Variants in EIF2B3 observed in about 807,000 individuals in gnomAD.
The protein encoded by EIF2B3 is translation initiation factor eIF2B subunit gamma.
Under a neutral mutation model 54.1 loss-of-function variants are expected in EIF2B3, and 20 were observed. The ratio of observed to expected loss-of-function variants is 0.37; its 90% CI spans 0.26 to 0.54. The LOEUF is 0.54. Ranked by LOEUF, EIF2B3 falls within the 20% of genes least tolerant of loss-of-function variation. The pLI, the probability that EIF2B3 is intolerant of heterozygous loss-of-function variation, is 0.86. For missense variants in EIF2B3, 448 were observed against 547.8 expected (o/e 0.82, Z 1.82); for synonymous variants, 153 against 188.1 (o/e 0.81, Z 1.52).
intron 10 of EIF2B3, among the ~76,000 whole-genome samples, chr1:44,869,722 TC>T (rs1281562903): frequency 6.8e-6 from 1 of 146,558 alleles, no homozygotes; most frequent in Non-Finnish European, 1.5e-5. Context: ...TGCCTCAGCC[TC>T]CTGAATATCT....
At chr1:44,947,156 G>T (rs1267264510) in intron 3 of EIF2B3, among the ~76,000 whole-genome samples, 2 of 152,148 alleles carry the variant, frequency 1.3e-5, no homozygotes, top group Admixed American at 6.5e-5. Flanking sequence ...CTCATCCCAA[G>T]CCTGCTCCTC....
Position 44,941,615 on chromosome 1 carries a change from A to C in EIF2B3, c.345T>G (p.His115Gln). Residue 115 changes from histidine to glutamine, a missense_variant, in exon 4 of 12, where the codon CAT becomes CAG. Coordinates refer to ENST00000360403, the MANE Select transcript of EIF2B3 (RefSeq NM_020365.5). ...AAGCTCTAAACAGGTCCACAACCTC[A>C]TGTAAGGCAACGTCTGTTATCAGAT... ...SCDLITDVAL[H>Q]EVVDLFRAYD... 1 of 1,614,152 alleles carries C rather than the reference A, an allele frequency of 6.2e-7. No homozygotes were observed. The highest frequency in any genetic ancestry group is 8.5e-7 in the Non-Finnish European group (1 of 1,180,032).
chr1:44,967,185 G>A (rs1011717900), intron 3 of EIF2B3, among the ~76,000 whole-genome samples: 6 of 150,974 alleles, frequency 4.0e-5, no homozygotes, highest in Non-Finnish European at 5.9e-5. Context: ...GGTGGCTCAC[G>A]CTTGTAATCC....
rs546234382 is a variant in EIF2B3 at position 44,876,637 on chromosome 1, C to T, written c.976-942G>A. On this transcript the variant is annotated intron_variant, in intron 8 of 11. Coordinates refer to ENST00000360403, the MANE Select transcript of EIF2B3 (RefSeq NM_020365.5). ...GAGGTGAGGGGCGCTTCTGCCTGGC[C>T]GCCCCTACTGGGAAGTGAGGAGCCC... 5.6e-3 allele frequency among the ~76,000 whole-genome samples: 516 copies of T among 92,932 alleles called. 5 individuals are homozygous for T. Among genetic ancestry groups the T allele is most frequent in the African/African-American group, 0.022 (432 of 19,842 alleles). 61.0% of individuals were successfully genotyped at this position (92,932 alleles called of 152,430 possible).
At chr1:44,908,346 A>C (rs1392679132) in intron 5 of EIF2B3, among the ~76,000 whole-genome samples, 1 of 152,250 alleles carries the variant, frequency 6.6e-6, no homozygotes, top group African/African-American at 2.4e-5. Context: ...AGGGGAGCAC[A>C]AAGGAAGAAG....
rs575500720 is a variant in EIF2B3 at position 44,970,399 on chromosome 1, A to G, written c.294+7916T>C. 1.6e-4 allele frequency among the ~76,000 whole-genome samples: 24 copies of G among 152,364 alleles called. No homozygotes were observed. In the South Asian group the frequency reaches 5.0e-3, roughly 32 times the overall value. On this transcript the variant is annotated intron_variant, in intron 3 of 11. Coordinates refer to ENST00000360403, the MANE Select transcript of EIF2B3 (RefSeq NM_020365.5). ...AAGACCTCACAATAATAGCTGGGAA[A>G]CTCAATCTGGAGGAAGTGGGTAAAG...
intron 10 of EIF2B3, among the ~76,000 whole-genome samples, chr1:44,870,505 C>G (rs1404366416): frequency 2.0e-5 from 3 of 152,168 alleles, no homozygotes; most frequent in African/African-American, 4.8e-5. Context: ...CCTTGTCAGT[C>G]TCCTTAGATT....
At chr1:44,926,072 A>G (rs1390295250) in intron 5 of EIF2B3, among the ~76,000 whole-genome samples, 2 of 151,880 alleles carry the variant, frequency 1.3e-5, no homozygotes, top group South Asian at 4.1e-4. Context: ...TACTAAAAAT[A>G]CAAAAATTAG....
At position 44,879,855 on chromosome 1, in the gene EIF2B3, A is replaced by C; in HGVS notation, c.938T>G (p.Val313Gly). 6.2e-7 allele frequency: 1 copy of C among 1,614,002 alleles called. No individual in the cohort carries two copies. Among genetic ancestry groups the C allele is most frequent in the Non-Finnish European group, 8.5e-7 (1 of 1,179,994 alleles). The change falls in exon 8 of 12, where the codon GTG becomes GGG. Residue 313 changes from valine to glycine, a missense_variant. Transcript: ENST00000360403. ...TTCCATGTAGAGTCCCAGTGTGCTCACTCGAGAGCAGAGCCCCTCTTTCAT... is the reference window on the plus strand; with the variant it reads ...TTCCATGTAGAGTCCCAGTGTGCTCCCTCGAGAGCAGAGCCCCTCTTTCAT... ...HIMKEGLCSR[V>G]STLGLYMEAN...
chr1:44,897,964 G>A (rs2148914958), intron 5 of EIF2B3, among the ~76,000 whole-genome samples: 1 of 151,964 alleles, frequency 6.6e-6, no homozygotes, highest in East Asian at 1.9e-4. Flanking sequence ...TCGAACTCCT[G>A]GTCTCAAGTG....
rs755805377 is a variant in EIF2B3 at position 44,926,728 on chromosome 1, C to A, written c.466G>T (p.Asp156Tyr). The A allele has an allele frequency of 1.2e-6, 2 of 1,613,310 alleles. No homozygotes were observed. The highest frequency in any genetic ancestry group is 1.7e-5 in the Admixed American group (1 of 60,006). ...KGKKKAVEQR[D>Y]FIGVDSTGKR... ...CCTGTGCTGTCCACTCCAATGAAGT[C>A]ACGCTGCTCCACTGAATCATACAAA... Residue 156 changes from aspartate (D) to tyrosine (Y), a missense_variant, in exon 5 of 12, where the codon GAC (aspartate) becomes TAC (tyrosine). By Grantham distance (160) the Asp-to-Tyr change is radical. This residue lies in a region of EIF2B3 where 350 missense variants were observed against 414.2 expected (regional missense o/e 0.85). Coordinates refer to ENST00000360403, the MANE Select transcript of EIF2B3 (RefSeq NM_020365.5).
intron 8 of EIF2B3, among the ~76,000 whole-genome samples, chr1:44,876,607 TC>T: frequency 1.6e-5 from 1 of 64,392 alleles, no homozygotes; most frequent in Non-Finnish European, 2.8e-5. Context: ...AGCCGCCCCA[TC>T]CGGGAGGTGA....
chr1:44,859,403 T>C (rs1175296833), intron 10 of EIF2B3, among the ~76,000 whole-genome samples: 1 of 152,142 alleles, frequency 6.6e-6, no homozygotes, highest in Non-Finnish European at 1.5e-5. Context: ...ATGCCTGTAA[T>C]CCTGGTACTT....
intron 3 of EIF2B3, among the ~76,000 whole-genome samples, chr1:44,960,367 T>C (rs1644271216): frequency 6.6e-6 from 1 of 152,042 alleles, no homozygotes; most frequent in South Asian, 2.1e-4. Flanking sequence ...GGGCCGGGCG[T>C]GGTGGCTCAC....
intron 10 of EIF2B3, among the ~76,000 whole-genome samples, chr1:44,860,620 T>C (rs956933067): frequency 2.6e-5 from 4 of 152,278 alleles, no homozygotes; most frequent in Middle Eastern, 3.4e-3. Context: ...GACTTCAGAA[T>C]CCATAATTTA....
intron 5 of EIF2B3, among the ~76,000 whole-genome samples, chr1:44,902,829 TAAAAAAA>T (rs11458839): frequency 3.6e-4 from 31 of 85,462 alleles, no homozygotes; most frequent in Admixed American, 2.8e-3. Flanking sequence ...ACTCTTTCTT[TAAAAAAA>T]AAAAAAAAAA....
intron 4 of EIF2B3, 105 bp from the exon 5 acceptor site, chr1:44,926,844 A>G: frequency 4.9e-6 from 5 of 1,023,100 alleles, no homozygotes; most frequent in Non-Finnish European, 7.4e-6. Flanking sequence ...GAAACAACAC[A>G]GGATTGAAGG....
intron 11 of EIF2B3, among the ~76,000 whole-genome samples, chr1:44,853,192 A>T (rs1654329180): frequency 6.6e-6 from 1 of 152,154 alleles, no homozygotes; most frequent in South Asian, 2.1e-4. Context: ...TATAGAAAGG[A>T]GGCAGTGAGC....
At chr1:44,860,869 T>TGAG (rs1654593148) in intron 10 of EIF2B3, among the ~76,000 whole-genome samples, 1 of 151,978 alleles carries the variant, frequency 6.6e-6, no homozygotes, top group Non-Finnish European at 1.5e-5. Context: ...CCAAGAGGCA[T>TGAG]GAGGGGGTGG....
Sources: allele counts gnomAD v4.1 joint callset (sites outside exome capture counted in the v4.1 genomes callset), GRCh38; gene constraint gnomAD v4.1.1; regional missense constraint gnomAD v4.1.1; transcripts MANE v1.5; gene names NCBI Gene and HGNC (gene_info 2026-07-23, HGNC 2026-07-21).